ADORA2B: variants seen among roughly 807,000 people sequenced by gnomAD.
ADORA2B encodes adenosine A2b receptor.
In ADORA2B, 18 loss-of-function variants were observed where a neutral mutation model predicts 20.8. That is an observed-to-expected ratio of 0.87 (90% confidence interval 0.60 to 1.29). The LOEUF is 1.29. Ranked by LOEUF, ADORA2B falls within the 50% of genes most tolerant of loss-of-function variation. The probability of loss-of-function intolerance (pLI) is 0.00; values close to 1 mark genes in which losing one functional copy is unlikely to be tolerated. For synonymous variants in ADORA2B, 179 were observed against 178.3 expected, an observed-to-expected ratio of 1.00 and a Z score of -0.03; for missense variants, 441 against 422.7, an observed-to-expected ratio of 1.04 and a Z score of -0.38.
the ADORA2B span, among the ~76,000 whole-genome samples, chr17:15,931,203 G>T: frequency 2.6e-5 from 4 of 152,082 alleles, no homozygotes; most frequent in Non-Finnish European, 5.9e-5. Flanking sequence ...AGAAACGCAG[G>T]GTGTCCAGAT....
the ADORA2B span, among the ~76,000 whole-genome samples, chr17:15,853,596 A>ACCT: frequency 6.6e-6 from 1 of 152,236 alleles, no homozygotes; most frequent in Non-Finnish European, 1.5e-5. Flanking sequence ...AATCTTAGAA[A>ACCT]AACATCACTT....
At chr17:15,891,110 TTA>T in the ADORA2B span, among the ~76,000 whole-genome samples, 1 of 151,864 alleles carries the variant, frequency 6.6e-6, no homozygotes, top group African/African-American at 2.4e-5. Flanking sequence ...CTACTAAAAA[TTA>T]AAAATTAGCC....
the ADORA2B span, among the ~76,000 whole-genome samples, chr17:15,874,561 A>G: frequency 1.3e-5 from 2 of 151,526 alleles, no homozygotes; most frequent in East Asian, 1.9e-4. Context: ...GCGTGGTGGC[A>G]TGAACCTGTA....
At chr17:15,876,442 C>T in the ADORA2B span, among the ~76,000 whole-genome samples, 31 of 115,370 alleles carry the variant, frequency 2.7e-4, no homozygotes, top group Admixed American at 2.6e-4. Context: ...TCTTTCTTTT[C>T]TTTTTTCTTT....
At chr17:15,862,523 C>G in the ADORA2B span, among the ~76,000 whole-genome samples, 1 of 152,158 alleles carries the variant, frequency 6.6e-6, no homozygotes, top group Non-Finnish European at 1.5e-5. Flanking sequence ...CATCTCCCTT[C>G]TTTGACTTTG....
chr17:15,896,539 T>TA, the ADORA2B span, among the ~76,000 whole-genome samples: 17 of 152,112 alleles, frequency 1.1e-4, no homozygotes, highest in South Asian at 2.5e-3. Context: ...AAAGAGATGT[T>TA]AAAAAAATAG....
the ADORA2B span, among the ~76,000 whole-genome samples, chr17:15,936,724 G>A: frequency 5.4e-4 from 82 of 152,328 alleles, no homozygotes; most frequent in Middle Eastern, 6.8e-3. Context: ...GGGCACCGGA[G>A]GCAGAAGGAT....
the ADORA2B span, among the ~76,000 whole-genome samples, chr17:15,935,825 G>A: frequency 8.1e-5 from 12 of 148,658 alleles, no homozygotes; most frequent in South Asian, 2.1e-4. Flanking sequence ...GTCCAAATTC[G>A]CTGTTGTGCC....
chr17:15,884,796 GTATTCTCTTTATTCAGTCTA>G, the ADORA2B span, among the ~76,000 whole-genome samples: 1 of 152,076 alleles, frequency 6.6e-6, no homozygotes, highest in African/African-American at 2.4e-5. Context: ...TATATGTACC[GTATTCTCTTTATTCAGTCTA>G]TCATTGATGG....
Position 15,945,186 on chromosome 17 carries a change from C to G in ADORA2B, c.-63C>G. 7.5e-7 allele frequency: 1 copy of G among 1,336,866 alleles called. No homozygotes were observed. Among genetic ancestry groups the G allele is most frequent in the East Asian group, 3.1e-5 (1 of 32,716 alleles). The allele number at this position is 1,336,866 out of a possible 1,614,324, so 82.8% of individuals were successfully genotyped here. ...CTATGGCCATGCCCGGCGGGTCTCA[C>G]GCGGCTGCCCCTCGCCCGGCGCGCC... is the stretch of plus-strand genomic sequence containing the variant. On this transcript the variant is annotated 5_prime_UTR_variant, in exon 1 of 2. Coordinates refer to ENST00000304222, the MANE Select transcript of ADORA2B (RefSeq NM_000676.4).
chr17:15,858,193 G>T, the ADORA2B span, among the ~76,000 whole-genome samples: 1 of 152,082 alleles, frequency 6.6e-6, no homozygotes, highest in African/African-American at 2.4e-5. Context: ...ACTGTTTTCC[G>T]TAATGGCTAC....
At chr17:15,905,418 G>A in the ADORA2B span, among the ~76,000 whole-genome samples, 1 of 152,088 alleles carries the variant, frequency 6.6e-6, no homozygotes, top group Non-Finnish European at 1.5e-5. Context: ...GTCTCGCTCT[G>A]TCACCAGACT....
Position 15,975,513 on chromosome 17 carries a change from G to C in ADORA2B, c.*171G>C. The C allele has an allele frequency of 1.6e-6, 1 of 638,200 alleles. No homozygotes were observed. Among genetic ancestry groups the C allele is most frequent in the Admixed American group, 3.0e-5 (1 of 33,188 alleles). 39.5% of individuals were successfully genotyped at this position (638,200 alleles called of 1,614,324 possible). A position where few individuals can be genotyped will look rare whatever the true frequency, so the allele number is the denominator to read the frequency against. On this transcript the variant is annotated 3_prime_UTR_variant, in exon 2 of 2. Transcript: ENST00000304222. ...AGCTAATATGTATGTGTCAGTAGTA[G>C]GCTCCAAGGATTGACAAATATATTT...
At chr17:15,922,535 G>A in the ADORA2B span, among the ~76,000 whole-genome samples, 1 of 152,276 alleles carries the variant, frequency 6.6e-6, no homozygotes, top group South Asian at 2.1e-4. Context: ...GAACAGGGCT[G>A]TATTATTAAT....
the ADORA2B span, among the ~76,000 whole-genome samples, chr17:15,876,815 G>A: frequency 6.6e-6 from 1 of 152,056 alleles, no homozygotes; most frequent in Non-Finnish European, 1.5e-5. Context: ...TAAGTGTACA[G>A]TTCAGTATTG....
intron 1 of ADORA2B, among the ~76,000 whole-genome samples, chr17:15,973,496 G>A (rs1424417954): frequency 3.3e-5 from 5 of 152,180 alleles, no homozygotes; most frequent in Admixed American, 3.3e-4. Context: ...ACTGGTCCGT[G>A]GCCTGTTAGG....
the ADORA2B span, among the ~76,000 whole-genome samples, chr17:15,874,716 A>G: frequency 6.6e-6 from 1 of 152,162 alleles, no homozygotes; most frequent in Admixed American, 6.5e-5. Context: ...GGCCATAATG[A>G]TGAATATCAC....
chr17:15,945,063 C>A, upstream of ADORA2B: 1 of 393,120 alleles, frequency 2.5e-6, no homozygotes, highest in Non-Finnish European at 4.2e-6. Flanking sequence ...CCAATGGGTG[C>A]CGCCTCTTGG....
rs544202480 is a variant in ADORA2B at position 15,975,227 on chromosome 17, G to A, written c.884G>A (p.Arg295Gln). The A allele has an allele frequency of 2.6e-5, 42 of 1,613,944 alleles. No homozygotes were observed. In the East Asian group the frequency reaches 4.5e-4, roughly 17 times the overall value. ...VNPIVYAYRNRDFRYTFHKII... is the reference protein window; with the variant it reads ...VNPIVYAYRNQDFRYTFHKII... ...CCCATTGTCTATGCTTACCGGAACC[G>A]AGACTTCCGCTACACTTTTCACAAA... Residue 295 changes from arginine to glutamine, a missense_variant, in exon 2 of 2, where the codon CGA (arginine) becomes CAA (glutamine). Transcript: ENST00000304222.
Sources: allele counts gnomAD v4.1 joint callset (sites outside exome capture counted in the v4.1 genomes callset), GRCh38; gene constraint gnomAD v4.1.1; transcripts MANE v1.5; gene names NCBI Gene and HGNC (gene_info 2026-07-23, HGNC 2026-07-21).